ACSM1: variants seen among roughly 807,000 people sequenced by gnomAD.
ACSM1 encodes acyl-coenzyme A synthetase ACSM1, mitochondrial.
A neutral mutation model predicts 75.8 loss-of-function variants in ACSM1; 79 were observed. The ratio of observed to expected loss-of-function variants is 1.04; its 90% CI spans 0.87 to 1.26. The LOEUF (loss-of-function observed/expected upper bound fraction) is 1.26, where lower values mean the gene tolerates loss of function less well. Among genes scored for constraint, ACSM1 ranks in the 50% most tolerant of loss-of-function variants. The probability of loss-of-function intolerance (pLI) is 0.00; values close to 1 mark genes in which losing one functional copy is unlikely to be tolerated. For synonymous variants in ACSM1, 279 were observed against 265.8 expected (o/e 1.05, Z -0.48); for missense variants, 676 against 720.1 (o/e 0.94, Z 0.70).
At position 20,623,464 on chromosome 16, in the gene ACSM1, T is replaced by A. The variant is rs750383081; in HGVS notation, c.*22A>T. The A allele has an allele frequency of 4.3e-6, 7 of 1,611,812 alleles. No individual in the cohort carries two copies. The South Asian group carries it at 7.7e-5, about 18-fold the overall frequency. On this transcript the variant is annotated 3_prime_UTR_variant, in exon 14 of 14. Coordinates refer to ENST00000520010, the MANE Select transcript of ACSM1 (RefSeq NM_001318890.3). ...CCAGGGATTTGCCTTAGGTGTGCAG[T>A]GCGTTCTGAGTTCACTGCCGATTAC...
chr16:20,632,821 A>G (rs1338447362), intron 10 of ACSM1, among the ~76,000 whole-genome samples: 1 of 152,252 alleles, frequency 6.6e-6, no homozygotes, highest in Admixed American at 6.5e-5. Context: ...GAAACACTTT[A>G]AAAGAATTAT....
chr16:20,682,176 A>AC, intron 4 of ACSM1, 80 bp downstream of exon 4: 1 of 1,399,944 alleles, frequency 7.1e-7, no homozygotes. Context: ...ATCCTCCTCA[A>AC]CCCCACTGGT....
chr16:20,635,625 TTTCTTTCTTTCTTTCTTTC>T (rs1455802932), intron 10 of ACSM1, among the ~76,000 whole-genome samples: 1 of 142,440 alleles, frequency 7.0e-6, no homozygotes, highest in Non-Finnish European at 1.5e-5. Flanking sequence ...TCTTTCTTTC[TTTCTTTCTTTCTTTCTTTC>T]TTTCTTTCAT....
intron 8 of ACSM1, 45 bp from the exon 9 acceptor site, chr16:20,637,496 G>A (rs780802481): frequency 9.4e-6 from 14 of 1,494,324 alleles, no homozygotes; most frequent in Non-Finnish European, 1.2e-5. Flanking sequence ...GAGAGGCCAG[G>A]CTGATCACAA....
intron 7 of ACSM1, among the ~76,000 whole-genome samples, chr16:20,656,178 T>A (rs2018947267): frequency 6.6e-6 from 1 of 152,174 alleles, no homozygotes. Flanking sequence ...CTTTTGAGCA[T>A]GTCTTTTATT....
chr16:20,690,083 T>G (rs988698021), intron 2 of ACSM1, among the ~76,000 whole-genome samples: 4 of 152,342 alleles, frequency 2.6e-5, no homozygotes, highest in African/African-American at 9.6e-5. Flanking sequence ...GAGGTTACTA[T>G]GCAAATTCAG....
intron 10 of ACSM1, among the ~76,000 whole-genome samples, chr16:20,628,232 T>C (rs2017113040): frequency 6.6e-6 from 1 of 152,106 alleles, no homozygotes; most frequent in Non-Finnish European, 1.5e-5. Context: ...TGCAAAACCA[T>C]ATGATCAGTA....
chr16:20,695,738 G>A (rs1283633982), intron 1 of ACSM1, among the ~76,000 whole-genome samples: 1 of 151,826 alleles, frequency 6.6e-6, no homozygotes, highest in African/African-American at 2.4e-5. Flanking sequence ...AAGTGTTGAG[G>A]ACTGAAAATC....
At chr16:20,625,187 T>C (rs761887447) in intron 12 of ACSM1, among the ~76,000 whole-genome samples, 10 of 152,246 alleles carry the variant, frequency 6.6e-5, no homozygotes, top group Admixed American at 3.3e-4. Flanking sequence ...CTTAGATTAC[T>C]ACATTGTGTG....
chr16:20,670,180 C>A (rs1435282980), intron 5 of ACSM1, among the ~76,000 whole-genome samples, 194 bp from the exon 6 acceptor site: 1 of 152,182 alleles, frequency 6.6e-6, no homozygotes, highest in Non-Finnish European at 1.5e-5. Context: ...ACAACTGAAA[C>A]TGGTTCAATC....
At chr16:20,683,646 C>CT (rs36182498) in intron 3 of ACSM1, among the ~76,000 whole-genome samples, 46,779 of 136,228 alleles carry the variant, frequency 0.34, 8,665 homozygotes, top group East Asian at 0.56. Flanking sequence ...CAGCTCAAGT[C>CT]TTTTTTTTTT....
At position 20,627,180 on chromosome 16, in the gene ACSM1, C is replaced by T; in HGVS notation, c.1427+9G>A. The T allele has an allele frequency of 2.6e-6, 4 of 1,524,914 alleles. No homozygotes were observed. Among genetic ancestry groups the T allele is most frequent in the Non-Finnish European group, 3.5e-6 (4 of 1,145,292 alleles). 94.5% of individuals were successfully genotyped at this position (1,524,914 alleles called of 1,614,324 possible). A position where few individuals can be genotyped will look rare whatever the true frequency, so the allele number is the denominator to read the frequency against. On this transcript the variant is annotated intron_variant, in intron 11 of 13. Transcript: ENST00000520010. ...CAACAACAGCCAGCCCAGCATCAGCCACACCTACCCAGAGGCATTAATGAT... is the reference window on the plus strand; with the variant it reads ...CAACAACAGCCAGCCCAGCATCAGCTACACCTACCCAGAGGCATTAATGAT...
intron 7 of ACSM1, among the ~76,000 whole-genome samples, chr16:20,641,302 A>G (rs1279798023): frequency 6.6e-6 from 1 of 152,202 alleles, no homozygotes; most frequent in Non-Finnish European, 1.5e-5. Flanking sequence ...TATGGGGGGA[A>G]GTGTACATCT....
At chr16:20,693,280 C>A (rs2079672733) in intron 1 of ACSM1, among the ~76,000 whole-genome samples, 1 of 152,120 alleles carries the variant, frequency 6.6e-6, no homozygotes, top group Non-Finnish European at 1.5e-5. Context: ...TTCAGGACAG[C>A]TGATACCAAT....
intron 7 of ACSM1, among the ~76,000 whole-genome samples, chr16:20,642,646 C>A (rs930216487): frequency 6.6e-6 from 1 of 152,240 alleles, no homozygotes; most frequent in Admixed American, 6.5e-5. Context: ...AATCTCCAAG[C>A]CTTGACTCCT....
At chr16:20,638,814 T>C (rs1428381596) in intron 8 of ACSM1, among the ~76,000 whole-genome samples, 2 of 152,168 alleles carry the variant, frequency 1.3e-5, no homozygotes, top group Non-Finnish European at 2.9e-5. Context: ...GTTGCACACA[T>C]GAGTGAACAG....
Position 20,685,406 on chromosome 16 carries a change from G to A in ACSM1, c.193-3C>T, listed in dbSNP as rs538866399. ...GGATTTGGACCTCTCTTGCCCTCCT[G>A]GTCAAGACCATATATTATGTGTTAT... On this transcript the variant is annotated splice_polypyrimidine_tract_variant and splice_region_variant and intron_variant, in intron 2 of 13. Transcript: ENST00000520010. 7 of 1,613,766 alleles carry A rather than the reference G, an allele frequency of 4.3e-6. No individual in the cohort carries two copies. Among genetic ancestry groups the A allele is most frequent in the South Asian group, 1.1e-5 (1 of 91,060 alleles).
chr16:20,625,258 C>A (rs2016848905), intron 12 of ACSM1, among the ~76,000 whole-genome samples, 165 bp downstream of exon 12: 1 of 152,210 alleles, frequency 6.6e-6, no homozygotes, highest in African/African-American at 2.4e-5. Context: ...TCCTTTTATT[C>A]AGAGCCACAG....
chr16:20,625,189 C>T (rs139484931), intron 12 of ACSM1, among the ~76,000 whole-genome samples: 2 of 152,308 alleles, frequency 1.3e-5, no homozygotes, highest in African/African-American at 2.4e-5. Flanking sequence ...TAGATTACTA[C>T]ATTGTGTGAG....
Sources: gnomAD v4.1 joint callset for allele counts (sites outside exome capture counted in the v4.1 genomes callset) on GRCh38, gnomAD v4.1.1 for gene constraint, MANE v1.5 for transcripts, NCBI Gene and HGNC (gene_info 2026-07-23, HGNC 2026-07-21) for gene names.